Variants in RANGAP1 observed in about 807,000 individuals in gnomAD.
RANGAP1 encodes the protein Ran GTPase activating protein 1, also known as ran GTPase-activating protein 1.
Under a neutral mutation model 63.5 loss-of-function variants are expected in RANGAP1, and 38 were observed. That is an observed-to-expected ratio of 0.60 (90% CI 0.46 to 0.78). RANGAP1 has a LOEUF of 0.78. Among genes scored for constraint, RANGAP1 ranks in the 30% least tolerant of loss-of-function variants. The pLI, the probability that RANGAP1 is intolerant of heterozygous loss-of-function variation, is 0.00. For missense variants in RANGAP1, 630 were observed against 740.3 expected, an observed-to-expected ratio of 0.85 and a Z score of 1.73; for synonymous variants, 329 against 310.5, an observed-to-expected ratio of 1.06 and a Z score of -0.63.
At chr22:41,298,247 C>A in the RANGAP1 span, among the ~76,000 whole-genome samples, 2 of 152,176 alleles carry the variant, frequency 1.3e-5, no homozygotes, top group East Asian at 1.9e-4. Flanking sequence ...GTGACCCACC[C>A]GCCTTGGCCT....
intron 5 of RANGAP1, among the ~76,000 whole-genome samples, chr22:41,263,122 G>A (rs924622330): frequency 6.6e-6 from 1 of 152,062 alleles, no homozygotes; most frequent in Non-Finnish European, 1.5e-5. Flanking sequence ...AGGCCCTCTG[G>A]TCCTGGGTCC....
At chr22:41,267,687 A>C (rs972017259) in intron 4 of RANGAP1, among the ~76,000 whole-genome samples, 1 of 152,204 alleles carries the variant, frequency 6.6e-6, no homozygotes, top group Non-Finnish European at 1.5e-5. Context: ...GGGAGGAGCC[A>C]GAGAAAGATG....
At chr22:41,268,355 A>C (rs906745369) in intron 3 of RANGAP1, among the ~76,000 whole-genome samples, 199 bp from the exon 4 acceptor site, 1 of 152,072 alleles carries the variant, frequency 6.6e-6, no homozygotes, top group Non-Finnish European at 1.5e-5. Flanking sequence ...TCCCGGGTTC[A>C]AGCAATTCTC....
upstream of RANGAP1, among the ~76,000 whole-genome samples, chr22:41,289,698 T>C (rs9623371): frequency 1.9e-3 from 295 of 152,332 alleles, 2 homozygotes; most frequent in African/African-American, 6.8e-3. Context: ...TTTCTCCAGC[T>C]TTCTCTCTTT....
the RANGAP1 span, among the ~76,000 whole-genome samples, chr22:41,293,127 T>C: frequency 1.2e-3 from 187 of 150,322 alleles, no homozygotes; most frequent in Middle Eastern, 3.5e-3. Context: ...CCCAGCTACT[T>C]GGGAGGCTGA....
intron 14 of RANGAP1, 23 bp from the exon 15 acceptor site, chr22:41,249,474 CG>C: frequency 1.3e-6 from 2 of 1,597,676 alleles, no homozygotes; most frequent in Non-Finnish European, 8.5e-7. Flanking sequence ...CAGCGAAAAG[CG>C]GGGTGAGCTT....
intron 1 of RANGAP1, chr22:41,285,679 C>T: frequency 1.0e-6 from 1 of 985,372 alleles, no homozygotes; most frequent in Non-Finnish European, 1.2e-6. Context: ...ATCTGGAATC[C>T]CCGGCGGACT....
At chr22:41,270,858 G>T (rs1043106129) in intron 3 of RANGAP1, among the ~76,000 whole-genome samples, 1 of 152,194 alleles carries the variant, frequency 6.6e-6, no homozygotes, top group Non-Finnish European at 1.5e-5. Context: ...CAGGCAGCCG[G>T]AGCCGGAGCG....
At chr22:41,293,238 A>G in the RANGAP1 span, among the ~76,000 whole-genome samples, 1 of 150,964 alleles carries the variant, frequency 6.6e-6, no homozygotes, top group Admixed American at 6.6e-5. Flanking sequence ...CCTCTCAAAA[A>G]AAAAAAAAAA....
intron 3 of RANGAP1, among the ~76,000 whole-genome samples, chr22:41,273,220 C>G (rs955583503): frequency 2.6e-5 from 4 of 152,164 alleles, no homozygotes; most frequent in African/African-American, 4.8e-5. Flanking sequence ...CCAGCCCAAC[C>G]CCAGCCATGC....
intron 3 of RANGAP1, among the ~76,000 whole-genome samples, chr22:41,269,652 G>T (rs990514716): frequency 2.0e-5 from 3 of 149,188 alleles, no homozygotes; most frequent in Non-Finnish European, 4.4e-5. Flanking sequence ...TTCAGCAAGA[G>T]AATCGCTGAA....
intron 2 of RANGAP1, among the ~76,000 whole-genome samples, chr22:41,277,108 C>T (rs1276125627): frequency 1.8e-5 from 2 of 111,930 alleles, no homozygotes; most frequent in Admixed American, 2.1e-4. Context: ...GACGGAGTCT[C>T]GCTCTGTTGC....
intron 11 of RANGAP1, among the ~76,000 whole-genome samples, chr22:41,253,232 A>T (rs2033594376): frequency 6.6e-6 from 1 of 151,982 alleles, no homozygotes; most frequent in South Asian, 2.1e-4. Flanking sequence ...CCTCCCTGGG[A>T]CTCAAAAAAC....
intron 11 of RANGAP1, 122 bp downstream of exon 11, chr22:41,254,186 C>CAAA: frequency 1.0e-6 from 1 of 991,566 alleles, no homozygotes; most frequent in Non-Finnish European, 1.5e-6. Flanking sequence ...ATCATGCAAT[C>CAAA]AAAAAAAAAT....
At chr22:41,274,854 T>G (rs2035045278) in intron 2 of RANGAP1, 127 bp from the exon 3 acceptor site, 2 of 1,207,086 alleles carry the variant, frequency 1.7e-6, no homozygotes, top group Non-Finnish European at 1.2e-6. Flanking sequence ...GAGCCTTGGC[T>G]TACAGAGAAT....
At chr22:41,300,622 C>T in the RANGAP1 span, among the ~76,000 whole-genome samples, 112 of 150,254 alleles carry the variant, frequency 7.5e-4, no homozygotes, top group African/African-American at 2.7e-3. Flanking sequence ...CAGGCACCCA[C>T]CACCACGCCT....
chr22:41,288,651 G>C (rs2035801022), upstream of RANGAP1, among the ~76,000 whole-genome samples: 1 of 152,116 alleles, frequency 6.6e-6, no homozygotes, highest in African/African-American at 2.4e-5. Context: ...GTGGGCAGGG[G>C]AACATCTTAG....
Position 41,256,834 on chromosome 22 carries a change from G to T in RANGAP1, c.775-10C>A. The stretch of plus-strand genomic sequence containing the variant: ...GCAAGGTCTTCAAGGTCTGTGAGGG[G>T]GAAGCAAGGGTCCAGAGTGAGGGTG... On this transcript the variant is annotated splice_polypyrimidine_tract_variant and intron_variant, in intron 7 of 15. Coordinates refer to ENST00000356244, the MANE Select transcript of RANGAP1 (RefSeq NM_002883.4). 1 of 1,610,538 alleles carries T rather than the reference G, an allele frequency of 6.2e-7. No homozygotes were observed. Among genetic ancestry groups the T allele is most frequent in the Non-Finnish European group, 8.5e-7 (1 of 1,177,028 alleles).
intron 5 of RANGAP1, among the ~76,000 whole-genome samples, chr22:41,263,712 A>G (rs2034302709): frequency 6.6e-6 from 1 of 152,200 alleles, no homozygotes; most frequent in African/African-American, 2.4e-5. Context: ...ATCTTAACAC[A>G]GGGATAGCTT....
Sources: gnomAD v4.1 joint callset for allele counts (sites outside exome capture counted in the v4.1 genomes callset) on GRCh38, gnomAD v4.1.1 for gene constraint, MANE v1.5 for transcripts, NCBI Gene and HGNC (gene_info 2026-07-23, HGNC 2026-07-21) for gene names.